Variants in SERPINB7 observed in about 807,000 individuals in gnomAD.
The protein encoded by SERPINB7 is serpin family B member 7.
Under a neutral mutation model 37.4 loss-of-function variants are expected in SERPINB7, and 31 were observed. The observed-to-expected ratio is 0.83, with a 90% CI of 0.62 to 1.12. The LOEUF is 1.12. Ranked by LOEUF, SERPINB7 falls within the 50% of genes most tolerant of loss-of-function variation. SERPINB7 has a pLI of 0.00. For missense variants in SERPINB7, 521 were observed against 455.3 expected (o/e 1.14, Z -1.31); for synonymous variants, 163 against 166.1 (o/e 0.98, Z 0.14).
chr18:63,763,551 G>A (rs2049165429), intron 1 of SERPINB7, among the ~76,000 whole-genome samples: 1 of 152,086 alleles, frequency 6.6e-6, no homozygotes, highest in African/African-American at 2.4e-5. Context: ...AGCTAAATTT[G>A]GTAGTGGTCA....
chr18:63,772,821 A>G (rs73471784), upstream of SERPINB7, among the ~76,000 whole-genome samples: 1,631 of 152,260 alleles, frequency 0.011, 28 homozygotes, highest in African/African-American at 0.037. Context: ...TGTAGCACAA[A>G]TAAGTGGAAA....
intron 1 of SERPINB7, among the ~76,000 whole-genome samples, chr18:63,775,917 A>G (rs554079428): frequency 3.8e-4 from 58 of 152,160 alleles, no homozygotes; most frequent in African/African-American, 1.3e-3. Context: ...ATCACCATAC[A>G]CAAATGTGCT....
chr18:63,792,676 G>A (rs765814394), intron 3 of SERPINB7, among the ~76,000 whole-genome samples: 25 of 152,084 alleles, frequency 1.6e-4, no homozygotes, highest in Non-Finnish European at 2.5e-4. Flanking sequence ...CCCAAGAGAT[G>A]GAAGTTGGAG....
In SERPINB7 at chr18:63,760,648, G is replaced by T. The variant is rs141602045; in HGVS notation, c.-19+7528G>T. Among the ~76,000 whole-genome samples, 74 of 152,276 alleles carry T rather than the reference G, an allele frequency of 4.9e-4. No individual in the cohort carries two copies. The East Asian group carries it at 0.012, about 25-fold the overall frequency. On this transcript the variant is annotated intron_variant, in intron 1 of 7. Transcript: ENST00000336429. ...TTTGTGGGCTGGGCCCAGGGTCCTCGTATTGTGTGCAGCCTAGGGTCTTGG... is the reference window on the plus strand; with the variant it reads ...TTTGTGGGCTGGGCCCAGGGTCCTCTTATTGTGTGCAGCCTAGGGTCTTGG...
intron 6 of SERPINB7, among the ~76,000 whole-genome samples, chr18:63,799,824 T>C (rs1000445987): frequency 7.2e-5 from 11 of 152,180 alleles, no homozygotes; most frequent in African/African-American, 2.4e-4. Context: ...GAATTATCTG[T>C]CCTCCCCATG....
rs555891534 is a variant in SERPINB7 at position 63,801,729 on chromosome 18, G to A, written c.744+717G>A. On this transcript the variant is annotated intron_variant, in intron 7 of 7. Transcript: ENST00000398019. Reference sequence around the variant, plus strand: ...TGGACTCTGTGGGGGCCAGAGGACCGGTTTAGTCATGAGTCATGAGTCCAA... The same window carrying A: ...TGGACTCTGTGGGGGCCAGAGGACCAGTTTAGTCATGAGTCATGAGTCCAA... 1.5e-3 allele frequency among the ~76,000 whole-genome samples: 232 copies of A among 152,192 alleles called. 1 individual carries two copies. The highest frequency in any genetic ancestry group is 2.9e-3 in the Non-Finnish European group (197 of 68,020).
At chr18:63,756,117 A>G (rs376077034) in intron 1 of SERPINB7, among the ~76,000 whole-genome samples, 1 of 138,304 alleles carries the variant, frequency 7.2e-6, no homozygotes, top group African/African-American at 2.6e-5. Context: ...ACACACACAC[A>G]CTCATATATG....
intron 1 of SERPINB7, among the ~76,000 whole-genome samples, chr18:63,778,381 T>C (rs2049270977): frequency 6.6e-6 from 1 of 152,150 alleles, no homozygotes; most frequent in African/African-American, 2.4e-5. Flanking sequence ...TAAAAATTAA[T>C]CACATTCAAG....
chr18:63,788,322 G>C (rs1466877927), intron 2 of SERPINB7, among the ~76,000 whole-genome samples: 2 of 152,106 alleles, frequency 1.3e-5, no homozygotes, highest in Non-Finnish European at 2.9e-5. Flanking sequence ...CTAGGCTAAA[G>C]TGTTTATGTC....
chr18:63,764,094 C>T (rs549925909), intron 1 of SERPINB7, among the ~76,000 whole-genome samples: 1 of 152,316 alleles, frequency 6.6e-6, no homozygotes, highest in East Asian at 1.9e-4. Flanking sequence ...GTGAAGCTTA[C>T]TCAACCTTCA....
At chr18:63,792,467 A>T (rs1321973534) in intron 3 of SERPINB7, 24 bp downstream of exon 3, 1 of 1,534,758 alleles carries the variant, frequency 6.5e-7, no homozygotes, top group East Asian at 2.3e-5. Flanking sequence ...GTTCTTTTAG[A>T]AAAAGAGAAG....
intron 2 of SERPINB7, among the ~76,000 whole-genome samples, chr18:63,785,910 TACACATATATAATATAC>T (rs2049360543): frequency 9.9e-6 from 1 of 100,572 alleles, no homozygotes; most frequent in Non-Finnish European, 1.8e-5. Flanking sequence ...TACGTATATA[TACACATATATAATATAC>T]GTATATATAC....
chr18:63,788,583 G>A (rs1237661294), intron 2 of SERPINB7, among the ~76,000 whole-genome samples: 7 of 152,176 alleles, frequency 4.6e-5, no homozygotes, highest in Admixed American at 3.9e-4. Flanking sequence ...TAGCCTAAGT[G>A]TACAGTGCTT....
intron 2 of SERPINB7, among the ~76,000 whole-genome samples, chr18:63,790,139 C>T (rs571071876): frequency 3.3e-5 from 5 of 152,190 alleles, no homozygotes; most frequent in South Asian, 4.1e-4. Context: ...TAAGTATGGA[C>T]GTTTCTAAAC....
At chr18:63,767,120 C>A (rs2049184863) in intron 1 of SERPINB7, among the ~76,000 whole-genome samples, 1 of 152,072 alleles carries the variant, frequency 6.6e-6, no homozygotes, top group Admixed American at 6.6e-5. Flanking sequence ...TGGACCTACA[C>A]AGGTCCAGTT....
At chr18:63,756,958 C>T (rs916867850) in intron 1 of SERPINB7, among the ~76,000 whole-genome samples, 7 of 152,088 alleles carry the variant, frequency 4.6e-5, no homozygotes, top group Non-Finnish European at 8.8e-5. Flanking sequence ...CTATTTCAAT[C>T]GCTATCACCA....
At chr18:63,758,576 C>A (rs1271269077) in intron 1 of SERPINB7, among the ~76,000 whole-genome samples, 12 of 152,136 alleles carry the variant, frequency 7.9e-5, no homozygotes, top group Admixed American at 7.9e-4. Flanking sequence ...GGAGAGGTAG[C>A]AGTTGACTGT....
At chr18:63,786,904 G>T (rs1238466676) in intron 2 of SERPINB7, among the ~76,000 whole-genome samples, 2 of 152,074 alleles carry the variant, frequency 1.3e-5, no homozygotes, top group East Asian at 1.9e-4. Context: ...ATTTACTGTA[G>T]GTTGAATATC....
intron 1 of SERPINB7, among the ~76,000 whole-genome samples, chr18:63,763,252 A>G (rs191053177): frequency 6.6e-6 from 1 of 152,332 alleles, no homozygotes; most frequent in East Asian, 1.9e-4. Flanking sequence ...TTGTGCTTCA[A>G]CTTTCCTGCT....
Sources: gnomAD v4.1 joint callset for allele counts (sites outside exome capture counted in the v4.1 genomes callset) on GRCh38, gnomAD v4.1.1 for gene constraint, MANE v1.5 for transcripts, NCBI Gene and HGNC (gene_info 2026-07-23, HGNC 2026-07-21) for gene names.